The following SMUG1 variants were observed in gnomAD, a reference collection of about 807,000 sequenced individuals.
The protein encoded by SMUG1 is single-strand selective monofunctional uracil DNA glycosylase.
A neutral mutation model predicts 23.9 loss-of-function variants in SMUG1; 13 were observed. The ratio of observed to expected loss-of-function variants is 0.54; its 90% CI spans 0.35 to 0.86. SMUG1 has a LOEUF of 0.86. Among genes scored for constraint, SMUG1 ranks in the 40% least tolerant of loss-of-function variants. The probability of loss-of-function intolerance (pLI) is 0.01; values close to 1 mark genes in which losing one functional copy is unlikely to be tolerated. For missense variants in SMUG1, 313 were observed against 339.5 expected (o/e 0.92, Z 0.61); for synonymous variants, 133 against 139.8 (o/e 0.95, Z 0.34).
At chr12:54,165,427 T>G (rs921743840) in exon 4 of SMUG1, 4 of 152,030 alleles carry the variant, frequency 2.6e-5, no homozygotes, top group Non-Finnish European at 4.4e-5. Context: ...ATTCCAACAT[T>G]TAGGGAGGCC....
intron 2 of SMUG1, chr12:54,173,338 AAC>A (rs1162148604): frequency 3.9e-5 from 6 of 153,158 alleles, no homozygotes; most frequent in African/African-American, 1.4e-4. Flanking sequence ...GAGATGGAGA[AAC>A]AGAGACCAGA....
chr12:54,183,910 G>T lies in SMUG1; in HGVS notation c.31C>A (p.His11Asn). The T allele has an allele frequency of 6.3e-7, 1 of 1,595,644 alleles. No homozygotes were observed. Among genetic ancestry groups the T allele is most frequent in the South Asian group, 1.1e-5 (1 of 89,106 alleles). ...TCCATGAGGGCACCTGCAGGCTCAT[G>T]GATGGACCCCAGCAGGAAAGCCTGG... The part of the protein sequence containing the change: MPQAFLLGSI[H>N]EPAGALMEPQ... The change falls in exon 3 of 4, where the codon CAT becomes AAT. Residue 11 changes from histidine (H) to asparagine (N), a missense_variant. Coordinates refer to ENST00000682136, the MANE Select transcript of SMUG1 (RefSeq NM_001243787.2).
At chr12:54,167,645 A>T (rs1452510748) in intron 3 of SMUG1, among the ~76,000 whole-genome samples, 1 of 152,182 alleles carries the variant, frequency 6.6e-6, no homozygotes, top group Admixed American at 6.5e-5. Context: ...ATAGGCATGC[A>T]AAGCCCTCCT....
chr12:54,185,504 AT>A (rs60066907), intron 2 of SMUG1, among the ~76,000 whole-genome samples: 5,928 of 95,540 alleles, frequency 0.062, 1,691 homozygotes, highest in Non-Finnish European at 0.095. Context: ...AAATAAATAA[AT>A]AAATAAATAA....
At chr12:54,188,293 AT>A (rs1565844221) in intron 1 of SMUG1, among the ~76,000 whole-genome samples, 1 of 26,310 alleles carries the variant, frequency 3.8e-5, no homozygotes, top group Non-Finnish European at 8.0e-5. Context: ...AATAATAATA[AT>A]AAATAATAAT....
chr12:54,181,827 A>G lies in SMUG1; in HGVS notation c.*269T>C, dbSNP rs1941133922. ...GAGCAGTCTGCAAGTGCAAAAGCAC[A>G]CCTTCTGCAGATTCCCTACAAAGTG... is the stretch of plus-strand genomic sequence containing the variant. On this transcript the variant is annotated 3_prime_UTR_variant, in exon 4 of 4. Coordinates refer to ENST00000682136, the MANE Select transcript of SMUG1 (RefSeq NM_001243787.2). 2.8e-6 allele frequency: 4 copies of G among 1,424,666 alleles called. No homozygotes were observed. Among genetic ancestry groups the G allele is most frequent in the Non-Finnish European group, 2.7e-6 (3 of 1,094,864 alleles). 88.3% of individuals were successfully genotyped at this position (1,424,666 alleles called of 1,614,324 possible).
chr12:54,185,269 C>T (rs1296793156), intron 2 of SMUG1, among the ~76,000 whole-genome samples: 1 of 151,126 alleles, frequency 6.6e-6, no homozygotes, highest in African/African-American at 2.4e-5. Flanking sequence ...CGTGCCATTG[C>T]ACTCCAGCAC....
intron 2 of SMUG1, among the ~76,000 whole-genome samples, chr12:54,185,785 C>A (rs1942318275): frequency 1.3e-5 from 2 of 152,062 alleles, no homozygotes; most frequent in African/African-American, 4.8e-5. Flanking sequence ...CCACTGCACT[C>A]CAGCCTGGGC....
rs1171532880 is a variant in SMUG1 at position 54,172,228 on chromosome 12, C to A, written c.399-119G>T. On this transcript the variant is annotated intron_variant and NMD_transcript_variant, in intron 2 of 4. Transcript: ENST00000509864. ...ATTAGTTTCTACGTGATGTGGCTCC[C>A]CATCACCTCTTAGATCTCATCACTT... 66 of 413,116 alleles carry A rather than the reference C, an allele frequency of 1.6e-4. 1 individual carries two copies. Among genetic ancestry groups the A allele is most frequent in the South Asian group, 1.0e-3 (61 of 60,884 alleles). 25.6% of individuals were successfully genotyped at this position (413,116 alleles called of 1,614,324 possible).
chr12:54,182,382 T>G lies in SMUG1; in HGVS notation c.527A>C (p.Asn176Thr), dbSNP rs1592375511. Residue 176 changes from asparagine (N) to threonine (T), a missense_variant, in exon 4 of 4, where the codon AAC (asparagine) becomes ACC (threonine). By Grantham distance (65) the Asn-to-Thr change is moderately conservative. Coordinates refer to ENST00000682136, the MANE Select transcript of SMUG1 (RefSeq NM_001243787.2). Reference protein sequence around the residue: ...PLLFLAPSGRNLTPAELPAKQ... With the variant: ...PLLFLAPSGRTLTPAELPAKQ... ...GGCAGGCAGCTCAGCAGGAGTAAGG[T>G]TGCGCCCGCTGGGAGCCAGGAAAAG... 6.2e-7 allele frequency: 1 copy of G among 1,614,104 alleles called. No individual in the cohort carries two copies. Among genetic ancestry groups the G allele is most frequent in the African/African-American group, 1.3e-5 (1 of 75,034 alleles).
Position 54,181,452 on chromosome 12 carries a change from G to A in SMUG1, c.*644C>T. 1 of 1,106,714 alleles carries A rather than the reference G, an allele frequency of 9.0e-7. No homozygotes were observed. Among genetic ancestry groups the A allele is most frequent in the Non-Finnish European group, 1.3e-6 (1 of 762,502 alleles). The allele number at this position is 1,106,714 out of a possible 1,614,324, so 68.6% of individuals were successfully genotyped here. On this transcript the variant is annotated 3_prime_UTR_variant, in exon 4 of 4. Coordinates refer to ENST00000682136, the MANE Select transcript of SMUG1 (RefSeq NM_001243787.2). ...CCAACCCCATAAGGTAGGCATCCCT[G>A]TTTTACAGATGAGGAGCCTGAGGCA...
intron 2 of SMUG1, among the ~76,000 whole-genome samples, chr12:54,185,353 G>T (rs1942088832): frequency 6.6e-6 from 1 of 151,464 alleles, no homozygotes; most frequent in South Asian, 2.1e-4. Context: ...TGTAATCCCA[G>T]CTACTCGGGA....
At chr12:54,171,419 C>T (rs1039292102) in intron 3 of SMUG1, among the ~76,000 whole-genome samples, 32 of 150,974 alleles carry the variant, frequency 2.1e-4, no homozygotes, top group East Asian at 5.9e-4. Context: ...TGGTCGGGCG[C>T]GGTGGCTCAC....
intron 3 of SMUG1, among the ~76,000 whole-genome samples, chr12:54,171,559 G>A (rs930896638): frequency 1.3e-5 from 2 of 151,502 alleles, no homozygotes; most frequent in African/African-American, 2.4e-5. Flanking sequence ...ACGTGGCAGC[G>A]CGTGCCTGTA....
At chr12:54,159,490 C>T (rs1018732171) in intron 4 of SMUG1, among the ~76,000 whole-genome samples, 26 of 152,222 alleles carry the variant, frequency 1.7e-4, no homozygotes, top group African/African-American at 6.3e-4. Context: ...GAAATCTCTC[C>T]ACCTGCCCCC....
downstream of SMUG1, among the ~76,000 whole-genome samples, chr12:54,179,885 AG>A (rs2136561295): frequency 6.6e-6 from 1 of 152,384 alleles, no homozygotes; most frequent in South Asian, 2.1e-4. Context: ...AATATATGGT[AG>A]GGTCCAGGAG....
At chr12:54,187,646 T>G (rs550566081) in intron 2 of SMUG1, among the ~76,000 whole-genome samples, 173 bp downstream of exon 2, 58 of 152,374 alleles carry the variant, frequency 3.8e-4, no homozygotes, top group African/African-American at 1.4e-3. Context: ...CCTGATCTCA[T>G]AGCAAGAGCC....
intron 2 of SMUG1, chr12:54,172,255 T>C (rs1940640565): frequency 1.1e-5 from 4 of 370,084 alleles, no homozygotes; most frequent in South Asian, 7.8e-5. Flanking sequence ...TCATCACTTA[T>C]TCTCTTCCCT....
In SMUG1 at chr12:54,181,646, C is replaced by T; in HGVS notation, c.*450G>A. On this transcript the variant is annotated 3_prime_UTR_variant, in exon 4 of 4. Coordinates refer to ENST00000682136, the MANE Select transcript of SMUG1 (RefSeq NM_001243787.2). The stretch of plus-strand genomic sequence containing the variant: ...TTCATGTCCCATGCTTTGTCTTGGT[C>T]CCTGTGAGGAAAGGGGTCAGCTAAA... 1 of 1,589,444 alleles carries T rather than the reference C, an allele frequency of 6.3e-7. No individual in the cohort carries two copies. The highest frequency in any genetic ancestry group is 8.5e-7 in the Non-Finnish European group (1 of 1,175,456).
Sources: gnomAD v4.1 joint callset for allele counts (sites outside exome capture counted in the v4.1 genomes callset) on GRCh38, gnomAD v4.1.1 for gene constraint, MANE v1.5 for transcripts, NCBI Gene and HGNC (gene_info 2026-07-23, HGNC 2026-07-21) for gene names.